Variants in ATXN2 observed in about 807,000 individuals in gnomAD.
ATXN2 encodes the protein ataxin 2, also known as ataxin-2.
ATXN2 carries 37 observed loss-of-function variants against 138.6 expected under a neutral mutation model. That is an observed-to-expected ratio of 0.27 (90% CI 0.21 to 0.35). The LOEUF (loss-of-function observed/expected upper bound fraction) is 0.35, where lower values mean the gene tolerates loss of function less well. Among genes scored for constraint, ATXN2 ranks in the 10% least tolerant of loss-of-function variants. The pLI is 1.00. For missense variants in ATXN2, 1,216 were observed against 1,480.3 expected (o/e 0.82, Z 2.93); for synonymous variants, 549 against 543.7 (o/e 1.01, Z -0.13).
chr12:111,478,311 CG>C (rs1876971154), intron 18 of ATXN2, among the ~76,000 whole-genome samples: 2 of 151,974 alleles, frequency 1.3e-5, no homozygotes, highest in Admixed American at 1.3e-4. Context: ...GAGGCTAAGG[CG>C]TAAGAATTGC....
At chr12:111,561,128 T>A (rs926230782) in intron 1 of ATXN2, among the ~76,000 whole-genome samples, 2 of 150,316 alleles carry the variant, frequency 1.3e-5, no homozygotes, top group Non-Finnish European at 3.0e-5. Flanking sequence ...GAGCTTGCAG[T>A]GAGCCGAGAT....
At chr12:111,589,606 T>C (rs1163595042) in intron 1 of ATXN2, among the ~76,000 whole-genome samples, 2 of 147,776 alleles carry the variant, frequency 1.4e-5, no homozygotes, top group East Asian at 3.9e-4. Context: ...ACCCCATCTC[T>C]ACCAATAATA....
intron 23 of ATXN2, chr12:111,454,141 G>T (rs1170858530): frequency 4.1e-6 from 1 of 245,858 alleles, no homozygotes; most frequent in Non-Finnish European, 7.8e-6. Flanking sequence ...TATGTATGGG[G>T]TAAGATCTTC....
At chr12:111,544,191 G>T (rs1313328492) in intron 5 of ATXN2, among the ~76,000 whole-genome samples, 1 of 152,154 alleles carries the variant, frequency 6.6e-6, no homozygotes, top group African/African-American at 2.4e-5. Flanking sequence ...GTTTCACTAG[G>T]TTCTCAAAAG....
intron 5 of ATXN2, among the ~76,000 whole-genome samples, chr12:111,541,136 GTT>G (rs1225971660): frequency 6.7e-6 from 1 of 148,944 alleles, no homozygotes. Context: ...TCTGGGTGTT[GTT>G]TTGTTTAATC....
intron 3 of ATXN2, among the ~76,000 whole-genome samples, chr12:111,553,490 T>C (rs1218112440): frequency 7.0e-6 from 1 of 143,664 alleles, no homozygotes; most frequent in Non-Finnish European, 1.5e-5. Flanking sequence ...ATGTAAATTG[T>C]CATACTGTAT....
intron 21 of ATXN2, chr12:111,460,997 A>G (rs773407627): frequency 2.0e-5 from 3 of 152,272 alleles, no homozygotes; most frequent in Non-Finnish European, 1.5e-5. Flanking sequence ...CTTGCAAGGC[A>G]TTGATTAAAA....
At chr12:111,465,148 C>A (rs1380173890) in intron 20 of ATXN2, among the ~76,000 whole-genome samples, 1 of 151,814 alleles carries the variant, frequency 6.6e-6, no homozygotes, top group Non-Finnish European at 1.5e-5. Flanking sequence ...AGGATCATAG[C>A]AAGAATATAA....
Position 111,464,676 on chromosome 12 carries a change from G to A in ATXN2, c.2882C>T (p.Ser961Phe). The A allele has an allele frequency of 6.2e-7, 1 of 1,611,024 alleles. No homozygotes were observed. The highest frequency in any genetic ancestry group is 8.5e-7 in the Non-Finnish European group (1 of 1,177,718). Residue 961 changes from serine to phenylalanine, a missense_variant, in exon 21 of 25, where the codon TCT (serine) becomes TTT (phenylalanine). By Grantham distance (155) the Ser-to-Phe change is radical. Around this residue, in one of 4 missense-constraint regions of ATXN2, gnomAD observed 490 missense variants for 653.5 expected, o/e 0.75. Transcript: ENST00000673436. ...ACCCAACTCACTGGCAAAGTAGAAAGAAGGGCTTGTCTCCTTGTTGTATGG... is the reference window on the plus strand; with the variant it reads ...ACCCAACTCACTGGCAAAGTAGAAAAAAGGGCTTGTCTCCTTGTTGTATGG... Reference protein sequence around the residue: ...KLPYNKETSPSFYFAISTGSL... With the variant: ...KLPYNKETSPFFYFAISTGSL...
At chr12:111,544,808 G>T (rs1013755299) in intron 5 of ATXN2, among the ~76,000 whole-genome samples, 2 of 152,226 alleles carry the variant, frequency 1.3e-5, no homozygotes, top group Non-Finnish European at 2.9e-5. Context: ...GGACCTGGCA[G>T]TTAGAGGTTA....
chr12:111,459,405 T>A lies in ATXN2; in HGVS notation c.2897-2046A>T, dbSNP rs531997416. ...ATGTAAATTTCGAACCTGAGTTTGT[T>A]GTACTTGTAAAAATCTTACGTTCAT... is the stretch of plus-strand genomic sequence containing the variant. On this transcript the variant is annotated intron_variant, in intron 21 of 24. Coordinates refer to ENST00000673436, the MANE Select transcript of ATXN2 (RefSeq NM_001372574.1). 1.8e-4 allele frequency among the ~76,000 whole-genome samples: 27 copies of A among 152,334 alleles called. 1 individual carries two copies. The highest frequency in any genetic ancestry group is 3.4e-3 in the Middle Eastern group (1 of 294).
At chr12:111,481,414 C>CAG (rs1566016307) in intron 18 of ATXN2, among the ~76,000 whole-genome samples, 1 of 152,174 alleles carries the variant, frequency 6.6e-6, no homozygotes, top group Non-Finnish European at 1.5e-5. Flanking sequence ...CACTGTGCTC[C>CAG]AGCCTGGGCA....
intron 1 of ATXN2, among the ~76,000 whole-genome samples, chr12:111,590,892 C>CA: frequency 6.6e-6 from 1 of 151,672 alleles, no homozygotes. Context: ...TGAGGTGGAA[C>CA]AATTTTTTTT....
Position 111,453,836 on chromosome 12 carries a change from G to A in ATXN2, c.3280C>T (p.Gln1094Ter). The change falls in exon 24 of 25, where the codon CAG becomes TAG. Residue 1094 changes from glutamine to a stop codon, truncating the protein, a stop_gained. Transcript: ENST00000673436. LOFTEE classifies it high-confidence loss of function. This position sits in a 1 kb window ranked among gnomAD's most constrained non-coding sequence, Gnocchi z 5.4. ...GGATGAGAAGGAACCATTCCTGACT[G>A]TACATGAGCCTGAAACAGAGAGCTC... ...HMAHVPQAHV[Q>*]SGMVPSHPTA... 6.2e-7 allele frequency: 1 copy of A among 1,609,194 alleles called. No homozygotes were observed. The highest frequency in any genetic ancestry group is 8.5e-7 in the Non-Finnish European group (1 of 1,177,260).
At chr12:111,596,474 C>G (rs923558133) in intron 1 of ATXN2, among the ~76,000 whole-genome samples, 1 of 152,022 alleles carries the variant, frequency 6.6e-6, no homozygotes, top group Non-Finnish European at 1.5e-5. Context: ...CTTGTCAAAC[C>G]GAATGCTGCA....
intron 18 of ATXN2, among the ~76,000 whole-genome samples, chr12:111,477,988 G>A (rs549537319): frequency 6.6e-6 from 1 of 151,738 alleles, no homozygotes; most frequent in South Asian, 2.1e-4. Context: ...GCAAAGACAG[G>A]GTTTTGTCAT....
At chr12:111,565,900 G>A (rs1943607024) in intron 1 of ATXN2, among the ~76,000 whole-genome samples, 1 of 151,774 alleles carries the variant, frequency 6.6e-6, no homozygotes, top group African/African-American at 2.4e-5. Flanking sequence ...GTAAGCTGAG[G>A]CACGAGAATT....
At chr12:111,477,442 G>A (rs1876903310) in intron 18 of ATXN2, among the ~76,000 whole-genome samples, 1 of 151,980 alleles carries the variant, frequency 6.6e-6, no homozygotes, top group Admixed American at 6.6e-5. Flanking sequence ...AGAAAATGAA[G>A]CTAGACCTTT....
At chr12:111,474,223 A>AAAAC (rs949252279) in intron 18 of ATXN2, among the ~76,000 whole-genome samples, 69 of 152,234 alleles carry the variant, frequency 4.5e-4, no homozygotes, top group African/African-American at 1.6e-3. Context: ...ACTGTCTCAA[A>AAAAC]AAACAAACAA....
Sources: gnomAD v4.1 joint callset for allele counts (sites outside exome capture counted in the v4.1 genomes callset) on GRCh38, gnomAD v4.1.1 for gene constraint, gnomAD v4.1.1 regional missense constraint, Gnocchi (gnomAD v3.1) non-coding constraint, MANE v1.5 for transcripts, NCBI Gene and HGNC (gene_info 2026-07-23, HGNC 2026-07-21) for gene names.